DLG2: variants seen among roughly 807,000 people sequenced by gnomAD.
DLG2 encodes the protein discs large MAGUK scaffold protein 2.
A neutral mutation model predicts 132.5 loss-of-function variants in DLG2; 45 were observed. The ratio of observed to expected loss-of-function variants is 0.34; its 90% CI spans 0.27 to 0.44. The LOEUF (loss-of-function observed/expected upper bound fraction) is 0.44, where lower values mean the gene tolerates loss of function less well. Ranked by LOEUF, DLG2 falls within the 20% of genes least tolerant of loss-of-function variation. The pLI, the probability that DLG2 is intolerant of heterozygous loss-of-function variation, is 1.00. For synonymous variants in DLG2, 424 were observed against 419.6 expected (o/e 1.01, Z -0.13); for missense variants, 1,045 against 1,196.9 (o/e 0.87, Z 1.87).
chr11:84,265,082 T>C (rs1232539500), intron 7 of DLG2, among the ~76,000 whole-genome samples: 1 of 152,214 alleles, frequency 6.6e-6, no homozygotes, highest in Non-Finnish European at 1.5e-5. Flanking sequence ...ACTTCTGCAA[T>C]GGTCTTAGCT....
intron 4 of DLG2, among the ~76,000 whole-genome samples, chr11:85,155,644 T>C (rs1010731259): frequency 6.6e-6 from 1 of 152,082 alleles, no homozygotes; most frequent in African/African-American, 2.4e-5. Flanking sequence ...CCAAGGAGGA[T>C]GGATCACCTG....
intron 19 of DLG2, among the ~76,000 whole-genome samples, chr11:83,616,822 T>C (rs1415382696): frequency 6.6e-6 from 1 of 152,182 alleles, no homozygotes; most frequent in Non-Finnish European, 1.5e-5. Context: ...GATTTTTGTG[T>C]ATAGTGTGAG....
chr11:83,654,321 C>T (rs988193863), intron 18 of DLG2, among the ~76,000 whole-genome samples: 1 of 152,200 alleles, frequency 6.6e-6, no homozygotes, highest in Non-Finnish European at 1.5e-5. Context: ...GATCTGCCCT[C>T]TGCTTTCCTA....
intron 18 of DLG2, among the ~76,000 whole-genome samples, chr11:83,645,002 T>C (rs2067717404): frequency 6.6e-6 from 1 of 152,134 alleles, no homozygotes. Context: ...ATGGAAAACC[T>C]GGATAGTGGA....
chr11:84,356,747 A>T (rs1376516526), intron 7 of DLG2, among the ~76,000 whole-genome samples: 2 of 152,094 alleles, frequency 1.3e-5, no homozygotes, highest in Non-Finnish European at 2.9e-5. Flanking sequence ...AAGGAGGATC[A>T]AGGGAAAGAG....
In DLG2 at chr11:85,013,793, T is replaced by C. The variant is rs549720201; in HGVS notation, c.357+97868A>G. On this transcript the variant is annotated intron_variant, in intron 6 of 27. Coordinates refer to ENST00000376104, the MANE Select transcript of DLG2 (RefSeq NM_001142699.3). ...TTAGAAATCTAGTGAAAAAAATCTA[T>C]CCTAATGTGAAATACTGGCAGATGA... Among the ~76,000 whole-genome samples the C allele has an allele frequency of 2.6e-5, 4 of 152,266 alleles. No individual in the cohort carries two copies. The South Asian group carries it at 6.2e-4, about 24-fold the overall frequency.
chr11:85,518,956 G>A (rs1471534094), intron 3 of DLG2, among the ~76,000 whole-genome samples: 1 of 152,176 alleles, frequency 6.6e-6, no homozygotes, highest in Non-Finnish European at 1.5e-5. Context: ...GAGCCTGTGG[G>A]TGCACAGAAG....
At chr11:84,983,530 C>T (rs568802988) in intron 6 of DLG2, among the ~76,000 whole-genome samples, 1 of 152,184 alleles carries the variant, frequency 6.6e-6, no homozygotes, top group South Asian at 2.1e-4. Flanking sequence ...CTGACAGAGC[C>T]TACCTAAATT....
chr11:84,407,269 G>A (rs1292040283), intron 7 of DLG2, among the ~76,000 whole-genome samples: 2 of 149,176 alleles, frequency 1.3e-5, no homozygotes, highest in Admixed American at 6.8e-5. Flanking sequence ...TCTCTGCCCC[G>A]CCTATGAACC....
At chr11:85,320,206 T>G (rs978876359) in intron 3 of DLG2, among the ~76,000 whole-genome samples, 1 of 151,896 alleles carries the variant, frequency 6.6e-6, no homozygotes, top group Non-Finnish European at 1.5e-5. Context: ...AATGAAAATT[T>G]AGAGTCATGA....
At chr11:84,795,662 C>T (rs550272933) in intron 6 of DLG2, among the ~76,000 whole-genome samples, 2 of 152,266 alleles carry the variant, frequency 1.3e-5, no homozygotes, top group South Asian at 4.1e-4. Flanking sequence ...CATCCTTTGC[C>T]TGCCATGTTG....
At chr11:85,436,965 C>A (rs1409734522) in intron 3 of DLG2, among the ~76,000 whole-genome samples, 2 of 152,118 alleles carry the variant, frequency 1.3e-5, no homozygotes, top group Non-Finnish European at 2.9e-5. Flanking sequence ...GAATATTATG[C>A]AGCCATAAAA....
At chr11:85,458,355 C>A (rs1267983699) in intron 3 of DLG2, among the ~76,000 whole-genome samples, 1 of 152,068 alleles carries the variant, frequency 6.6e-6, no homozygotes, top group Non-Finnish European at 1.5e-5. Flanking sequence ...TGATCCTTAG[C>A]TTTCTTGCAC....
intron 3 of DLG2, among the ~76,000 whole-genome samples, chr11:85,543,040 A>T (rs891314638): frequency 2.0e-5 from 3 of 152,074 alleles, no homozygotes; most frequent in Non-Finnish European, 4.4e-5. Flanking sequence ...CAGAACTTGC[A>T]GGTTTGTTAC....
intron 6 of DLG2, among the ~76,000 whole-genome samples, chr11:84,783,098 A>G (rs937695095): frequency 6.6e-6 from 1 of 152,158 alleles, no homozygotes; most frequent in African/African-American, 2.4e-5. Flanking sequence ...ACAGTCAAAG[A>G]CTTAAAAAAA....
rs2094873968 is a variant in DLG2 at position 83,782,516 on chromosome 11, T to C, written c.1825+4174A>G. Among the ~76,000 whole-genome samples, 4 of 152,284 alleles carry C rather than the reference T, an allele frequency of 2.6e-5. No homozygotes were observed. The South Asian group carries it at 8.3e-4, about 32-fold the overall frequency. On this transcript the variant is annotated intron_variant, in intron 18 of 27. Coordinates refer to ENST00000376104, the MANE Select transcript of DLG2 (RefSeq NM_001142699.3). ...GGAACTCAGATAAAGAATCAATTAA[T>C]GCTGACTAAGCAGATTAAAAATGGC... is the stretch of plus-strand genomic sequence containing the variant.
chr11:85,272,730 C>G (rs1327837670), intron 4 of DLG2, among the ~76,000 whole-genome samples: 1 of 152,118 alleles, frequency 6.6e-6, no homozygotes, highest in Non-Finnish European at 1.5e-5. Context: ...ACCAATGACT[C>G]TTCACAGAAT....
chr11:84,602,852 T>A (rs909317414), intron 6 of DLG2, among the ~76,000 whole-genome samples: 15 of 151,954 alleles, frequency 9.9e-5, no homozygotes, highest in Admixed American at 2.6e-4. Context: ...CAACAGAGAA[T>A]TACTGTTGCT....
intron 6 of DLG2, among the ~76,000 whole-genome samples, chr11:84,579,519 C>G (rs1239882255): frequency 6.6e-6 from 1 of 152,082 alleles, no homozygotes; most frequent in Non-Finnish European, 1.5e-5. Flanking sequence ...ATTTCAAGAA[C>G]AGAATATATG....
Sources: gnomAD v4.1 joint callset for allele counts (sites outside exome capture counted in the v4.1 genomes callset) on GRCh38, gnomAD v4.1.1 for gene constraint, MANE v1.5 for transcripts, NCBI Gene and HGNC (gene_info 2026-07-23, HGNC 2026-07-21) for gene names.